MACF1: variants seen among roughly 807,000 people sequenced by gnomAD.
The protein encoded by MACF1 is microtubule actin crosslinking factor 1, also known as microtubule-actin cross-linking factor 1.
In MACF1, 193 loss-of-function variants were observed where a neutral mutation model predicts 854.8. The observed-to-expected ratio is 0.23, with a 90% CI of 0.20 to 0.25. The LOEUF is 0.25. Among genes scored for constraint, MACF1 ranks in the 10% least tolerant of loss-of-function variants. MACF1 has a pLI of 1.00. For missense variants in MACF1, 7,722 were observed against 8,929.1 expected (o/e 0.86, Z 5.45); for synonymous variants, 3,185 against 3,226.7 (o/e 0.99, Z 0.44).
intron 38 of MACF1, 98 bp downstream of exon 38, chr1:39,337,429 CTAT>C (rs1557596341): frequency 1.6e-6 from 2 of 1,233,618 alleles, no homozygotes; most frequent in Non-Finnish European, 2.3e-6. Flanking sequence ...TGCTTGCACT[CTAT>C]TCTAGGGTAA....
chr1:39,357,743 A>T lies in MACF1; in HGVS notation c.11793A>T (p.Lys3931Asn). Residue 3931 changes from lysine to asparagine, a missense_variant, in exon 45 of 101, where the codon AAA becomes AAT. By Grantham distance (94) the Lys-to-Asn change is moderately conservative. Around this residue, in one of 15 missense-constraint regions of MACF1, gnomAD observed 2,807 missense variants for 3,235.8 expected, o/e 0.87. Transcript: ENST00000564288. ...GSFSEDVISH[K>N]GDLRFVTISG... ...TCTCAGAGGATGTCATTTCCCACAA[A>T]GGAGACTTGAGATTTGTGACTATCT... is the stretch of plus-strand genomic sequence containing the variant. The T allele has an allele frequency of 6.2e-7, 1 of 1,614,224 alleles. No homozygotes were observed. The highest frequency in any genetic ancestry group is 1.1e-5 in the South Asian group (1 of 91,082).
chr1:39,155,683 A>C (rs1002347473), intron 2 of MACF1, among the ~76,000 whole-genome samples: 1 of 152,214 alleles, frequency 6.6e-6, no homozygotes, highest in South Asian at 2.1e-4. Context: ...TCAGATTCTC[A>C]CTGGAGTTTA....
intron 2 of MACF1, among the ~76,000 whole-genome samples, chr1:39,113,590 T>G (rs1188513840): frequency 6.6e-6 from 1 of 152,200 alleles, no homozygotes; most frequent in Non-Finnish European, 1.5e-5. Context: ...AATTGGAACA[T>G]TCCTGATGGT....
At chr1:39,142,408 G>A (rs988321680) in intron 2 of MACF1, among the ~76,000 whole-genome samples, 3 of 152,138 alleles carry the variant, frequency 2.0e-5, no homozygotes, top group African/African-American at 7.2e-5. Flanking sequence ...GGAACAAGAT[G>A]TATCCTGTTA....
At chr1:39,165,014 G>A (rs1419288977) in intron 2 of MACF1, among the ~76,000 whole-genome samples, 2 of 152,216 alleles carry the variant, frequency 1.3e-5, no homozygotes, top group African/African-American at 4.8e-5. Context: ...TCCTGGAGCA[G>A]ATAACGTGAG....
chr1:39,321,619 G>A (rs1646517124), intron 31 of MACF1, among the ~76,000 whole-genome samples: 2 of 152,186 alleles, frequency 1.3e-5, no homozygotes, highest in Middle Eastern at 3.2e-3. Context: ...GAAAATTAGC[G>A]GTGAGATTGG....
intron 2 of MACF1, among the ~76,000 whole-genome samples, chr1:39,111,346 C>T (rs1220675391): frequency 2.0e-5 from 3 of 151,956 alleles, no homozygotes; most frequent in Non-Finnish European, 4.4e-5. Context: ...AAGGTGCATG[C>T]CACCATGCCC....
At chr1:39,241,961 G>T (rs534741615) in intron 2 of MACF1, among the ~76,000 whole-genome samples, 1 of 152,320 alleles carries the variant, frequency 6.6e-6, no homozygotes, top group African/African-American at 2.4e-5. Context: ...CTAAGATTAG[G>T]ATTCCAAGCA....
At position 39,318,517 on chromosome 1, in the gene MACF1, A is replaced by T. The variant is rs779433104; in HGVS notation, c.3847A>T (p.Ile1283Phe). Reference protein sequence around the residue: ...GDYRACHGTLIKWIEETTAQQ... With the variant: ...GDYRACHGTLFKWIEETTAQQ... ...TTACCGAGCCTGCCATGGAACTCTC[A>T]TCAAGTGGATTGAGGAAACCACTGC... The change falls in exon 30 of 101, where the codon ATC becomes TTC. Residue 1283 changes from isoleucine (I) to phenylalanine (F), a missense_variant. Physicochemically the swap from Ile to Phe is conservative, Grantham distance 21. Coordinates refer to ENST00000564288, the MANE Select transcript of MACF1 (RefSeq NM_001394062.1). The T allele has an allele frequency of 1.9e-5, 30 of 1,613,988 alleles. No homozygotes were observed. The highest frequency in any genetic ancestry group is 5.5e-5 in the South Asian group (5 of 91,090).
chr1:39,276,762 T>G (rs77103490), intron 6 of MACF1, among the ~76,000 whole-genome samples: 3 of 152,322 alleles, frequency 2.0e-5, no homozygotes, highest in South Asian at 2.1e-4. Context: ...ACCATAGATA[T>G]GAGATTTTTT....
intron 2 of MACF1, among the ~76,000 whole-genome samples, chr1:39,087,613 G>A (rs1156371040): frequency 6.6e-6 from 1 of 152,126 alleles, no homozygotes; most frequent in Admixed American, 6.6e-5. Context: ...TAATGAAAGT[G>A]TCTTGTTTCG....
Position 39,247,177 on chromosome 1 carries a change from A to T in MACF1, c.172-2837A>T, listed in dbSNP as rs974552321. ...AAGCTCCGCCTCCCGAGTTCACGCC[A>T]TTCTCCTGCCTCAGCCTCCCGTGTA... On this transcript the variant is annotated intron_variant, in intron 2 of 100. Transcript: ENST00000564288. Among the ~76,000 whole-genome samples, 9 of 140,966 alleles carry T rather than the reference A, an allele frequency of 6.4e-5. 1 individual carries two copies. Among genetic ancestry groups the T allele is most frequent in the African/African-American group, 2.4e-4 (9 of 37,436 alleles). The allele number at this position is 140,966 out of a possible 152,430, so 92.5% of individuals were successfully genotyped here.
chr1:39,227,676 T>C (rs969477133), intron 1 of MACF1, among the ~76,000 whole-genome samples: 4 of 152,216 alleles, frequency 2.6e-5, no homozygotes, highest in Non-Finnish European at 5.9e-5. Context: ...TTCGGGTTCC[T>C]TAAGCTTGTC....
At chr1:39,406,752 A>AAAAAAAAAAAAAAC (rs1642724491) in intron 58 of MACF1, among the ~76,000 whole-genome samples, 2 of 150,372 alleles carry the variant, frequency 1.3e-5, no homozygotes, top group African/African-American at 5.0e-5. Flanking sequence ...AAAAAAAAAA[A>AAAAAAAAAAAAAAC]AAAAAACATT....
intron 2 of MACF1, among the ~76,000 whole-genome samples, chr1:39,122,342 C>T (rs962473906): frequency 6.6e-6 from 1 of 151,256 alleles, no homozygotes; most frequent in Non-Finnish European, 1.5e-5. Flanking sequence ...ACAACCTCTG[C>T]CTCCTGGATT....
chr1:39,410,725 G>A, intron 58 of MACF1: 2 of 1,613,932 alleles, frequency 1.2e-6, no homozygotes, highest in African/African-American at 2.7e-5. Flanking sequence ...TTCTCTCAGT[G>A]AGGTTTCAGA....
chr1:39,412,394 C>G, intron 58 of MACF1: 2 of 1,613,956 alleles, frequency 1.2e-6, no homozygotes, highest in Non-Finnish European at 1.7e-6. Context: ...TGTGAATTGT[C>G]TGTGGAGAAA....
Position 39,333,459 on chromosome 1 carries a change from C to T in MACF1, c.6871C>T (p.Gln2291Ter), listed in dbSNP as rs1646761685. ...EEATLNVLSAQLLDGGIFHEQ... is the reference protein window; with the variant it reads ...EEATLNVLSA ...AGCTACCTTAAATGTATTATCTGCA[C>T]AGTTACTAGATGGTGGTATCTTTCA... Residue 2291 changes from glutamine (Q) to a stop codon, truncating the protein, a stop_gained, in exon 37 of 101, where the codon CAG becomes TAG. Transcript: ENST00000564288. LOFTEE classifies it high-confidence loss of function. 1 of 1,614,126 alleles carries T rather than the reference C, an allele frequency of 6.2e-7. No homozygotes were observed. Among genetic ancestry groups the T allele is most frequent in the Non-Finnish European group, 8.5e-7 (1 of 1,180,002 alleles).
intron 14 of MACF1, among the ~76,000 whole-genome samples, chr1:39,287,025 A>G (rs1451658532): frequency 1.3e-5 from 2 of 150,940 alleles, no homozygotes; most frequent in African/African-American, 4.9e-5. Flanking sequence ...CAGTGGTGTG[A>G]TCTCGGCTCA....
Sources: allele counts gnomAD v4.1 joint callset (sites outside exome capture counted in the v4.1 genomes callset), GRCh38; gene constraint gnomAD v4.1.1; regional missense constraint gnomAD v4.1.1; transcripts MANE v1.5; gene names NCBI Gene and HGNC (gene_info 2026-07-23, HGNC 2026-07-21).